The following KIAA0319 variants were observed in gnomAD, a reference collection of about 807,000 sequenced individuals.
KIAA0319 encodes the protein KIAA0319, also known as dyslexia-associated protein KIAA0319.
A neutral mutation model predicts 108.4 loss-of-function variants in KIAA0319; 83 were observed. The ratio of observed to expected loss-of-function variants is 0.77; its 90% confidence interval spans 0.64 to 0.92. KIAA0319 has a LOEUF of 0.92. KIAA0319 is among the 40% of genes least tolerant of loss of function. The pLI is 0.00. For missense variants in KIAA0319, 1,195 were observed against 1,322.4 expected (o/e 0.90, Z 1.49); for synonymous variants, 484 against 510.4 (o/e 0.95, Z 0.70).
chr6:24,632,683 G>C (rs1391837832), intron 1 of KIAA0319, among the ~76,000 whole-genome samples: 1 of 152,216 alleles, frequency 6.6e-6, no homozygotes, highest in Non-Finnish European at 1.5e-5. Context: ...AAGAGATAGA[G>C]TGAAGGAAAT....
intron 1 of KIAA0319, among the ~76,000 whole-genome samples, chr6:24,644,004 C>T (rs534582488): frequency 6.4e-4 from 97 of 152,352 alleles, no homozygotes; most frequent in Middle Eastern, 3.4e-3. Context: ...ATACCTGGCT[C>T]TACATACAGC....
chr6:24,585,018 TC>T (rs1217342267), intron 4 of KIAA0319, among the ~76,000 whole-genome samples: 3 of 152,142 alleles, frequency 2.0e-5, no homozygotes, highest in Non-Finnish European at 4.4e-5. Flanking sequence ...GAGAGAGTAA[TC>T]TCCAAAATAC....
chr6:24,609,315 C>A (rs35084855), intron 1 of KIAA0319, among the ~76,000 whole-genome samples: 6 of 147,130 alleles, frequency 4.1e-5, no homozygotes, highest in Non-Finnish European at 9.0e-5. Flanking sequence ...AAAGTCCGGG[C>A]GCAGTGGAAT....
chr6:24,600,033 A>C (rs1333928076), intron 2 of KIAA0319, among the ~76,000 whole-genome samples: 9 of 3,566 alleles, frequency 2.5e-3, no homozygotes, highest in Non-Finnish European at 5.4e-3. Flanking sequence ...CCAACTGCCC[A>C]AAAAAAAAAA....
chr6:24,626,271 C>T (rs1247804684), intron 1 of KIAA0319, among the ~76,000 whole-genome samples: 6 of 152,152 alleles, frequency 3.9e-5, no homozygotes, highest in Admixed American at 2.6e-4. Context: ...GTGGCTTGTG[C>T]CTGTCATCCC....
At chr6:24,572,232 A>G (rs1200129351) in intron 11 of KIAA0319, among the ~76,000 whole-genome samples, 1 of 152,206 alleles carries the variant, frequency 6.6e-6, no homozygotes, top group Middle Eastern at 3.2e-3. Context: ...CTGAACTGCA[A>G]CGTGTTCCCC....
Position 24,569,907 on chromosome 6 carries a change from C to T in KIAA0319, c.1987G>A (p.Val663Ile), listed in dbSNP as rs772281560. Residue 663 changes from valine to isoleucine, a missense_variant, in exon 12 of 21, where the codon GTC becomes ATC. Coordinates refer to ENST00000378214, the MANE Select transcript of KIAA0319 (RefSeq NM_014809.4). ...CTCAGTGGCGAGACAGACTACCTGA[C>T]GTGCTCCCAGTGGTAGAAGACAATG... ...HGIVFYHWEH[V>I]RGPSAVEMEN... 1.6e-5 allele frequency: 26 copies of T among 1,613,888 alleles called. No individual in the cohort carries two copies. The highest frequency in any genetic ancestry group is 2.2e-5 in the Non-Finnish European group (26 of 1,179,914).
chr6:24,578,284 G>A (rs189834905), intron 8 of KIAA0319, 42 bp from the exon 9 acceptor site: 2 of 1,452,522 alleles, frequency 1.4e-6, no homozygotes. Context: ...AATACAAGAA[G>A]AGGAAGACAT....
At chr6:24,625,915 A>C (rs1033115896) in intron 1 of KIAA0319, among the ~76,000 whole-genome samples, 6 of 152,246 alleles carry the variant, frequency 3.9e-5, no homozygotes, top group African/African-American at 9.6e-5. Context: ...AAAGAAGTAA[A>C]GACAACCTAA....
At chr6:24,635,000 T>C in intron 1 of KIAA0319, among the ~76,000 whole-genome samples, 1 of 152,218 alleles carries the variant, frequency 6.6e-6, no homozygotes, top group Admixed American at 6.5e-5. Context: ...ATCAGCACTT[T>C]ACATAAGATA....
chr6:24,555,263 G>A (rs1209431597), intron 18 of KIAA0319, among the ~76,000 whole-genome samples: 4 of 152,144 alleles, frequency 2.6e-5, no homozygotes, highest in Admixed American at 6.5e-5. Flanking sequence ...CTGGGAGGCC[G>A]AACGGGGCAG....
intron 1 of KIAA0319, among the ~76,000 whole-genome samples, chr6:24,617,178 ATAC>A (rs990454565): frequency 2.6e-5 from 4 of 152,270 alleles, no homozygotes; most frequent in Non-Finnish European, 4.4e-5. Flanking sequence ...AACTAAAAAA[ATAC>A]TAATAATAAT....
At chr6:24,559,212 C>T in intron 16 of KIAA0319, 57 bp from the exon 17 acceptor site, 2 of 1,571,574 alleles carry the variant, frequency 1.3e-6, no homozygotes, top group South Asian at 2.3e-5. Context: ...ACTACCATGA[C>T]ACGCCCACCA....
At chr6:24,610,104 A>G (rs915169974) in intron 1 of KIAA0319, among the ~76,000 whole-genome samples, 4 of 152,222 alleles carry the variant, frequency 2.6e-5, no homozygotes, top group Non-Finnish European at 5.9e-5. Context: ...ACCAAAATGA[A>G]AAACTTTTGT....
chr6:24,602,152 G>T (rs1770715683), intron 1 of KIAA0319, among the ~76,000 whole-genome samples: 1 of 152,056 alleles, frequency 6.6e-6, no homozygotes, highest in African/African-American at 2.4e-5. Flanking sequence ...AAGTAGGTGG[G>T]ATTACAGGCG....
rs1474094082 is a variant in KIAA0319, at chr6:24,546,872, G to A, written c.*293C>T. ...CTCTAAGGTTCTACAGATAGAAATC[G>A]TTGTTCATCTTTAATATGAGATTGT... On this transcript the variant is annotated 3_prime_UTR_variant, in exon 21 of 21. Coordinates refer to ENST00000378214, the MANE Select transcript of KIAA0319 (RefSeq NM_014809.4). 28 of 269,734 alleles carry A rather than the reference G, an allele frequency of 1.0e-4. No homozygotes were observed. Among genetic ancestry groups the A allele is most frequent in the South Asian group, 7.5e-4 (11 of 14,644 alleles). The allele number at this position is 269,734 out of a possible 1,614,324, so 16.7% of individuals were successfully genotyped here.
intron 1 of KIAA0319, among the ~76,000 whole-genome samples, chr6:24,626,128 A>G (rs1477731350): frequency 1.3e-5 from 2 of 152,230 alleles, no homozygotes; most frequent in Non-Finnish European, 2.9e-5. Context: ...TTTACATGAA[A>G]TGTCCAGAAT....
chr6:24,605,225 G>C (rs1313535220), intron 1 of KIAA0319, among the ~76,000 whole-genome samples: 1 of 152,168 alleles, frequency 6.6e-6, no homozygotes, highest in Non-Finnish European at 1.5e-5. Context: ...CTACTTGTAG[G>C]AACTGTTTCT....
intron 1 of KIAA0319, among the ~76,000 whole-genome samples, chr6:24,643,863 A>T (rs1049983927): frequency 2.0e-5 from 3 of 152,252 alleles, no homozygotes; most frequent in African/African-American, 4.8e-5. Flanking sequence ...TCTATTTTAC[A>T]GGTGAGGAAA....
Sources: allele counts gnomAD v4.1 joint callset (sites outside exome capture counted in the v4.1 genomes callset), GRCh38; gene constraint gnomAD v4.1.1; transcripts MANE v1.5; gene names NCBI Gene and HGNC (gene_info 2026-07-23, HGNC 2026-07-21).